TCN2: variants seen among roughly 807,000 people sequenced by gnomAD.
TCN2 encodes the protein transcobalamin 2.
In TCN2, 34 loss-of-function variants were observed where a neutral mutation model predicts 48.6. The observed-to-expected ratio is 0.70, with a 90% confidence interval of 0.53 to 0.93. TCN2 has a LOEUF of 0.93. Ranked by LOEUF, TCN2 falls within the 40% of genes least tolerant of loss-of-function variation. The pLI, the probability that TCN2 is intolerant of heterozygous loss-of-function variation, is 0.00. For synonymous variants in TCN2, 283 were observed against 212.5 expected, an observed-to-expected ratio of 1.33 and a Z score of -2.89; for missense variants, 652 against 526.1, an observed-to-expected ratio of 1.24 and a Z score of -2.34.
Position 30,617,483 on chromosome 22 carries a change from TAGG to T in TCN2, c.1099_1101del (p.Gly367del), listed in dbSNP as rs1300704163. The T allele has an allele frequency of 2.5e-6, 4 of 1,613,992 alleles. No individual in the cohort carries two copies. The highest frequency in any genetic ancestry group is 3.4e-6 in the Non-Finnish European group (4 of 1,179,980). On this transcript the variant is annotated inframe_deletion, in exon 7 of 9. Coordinates refer to ENST00000215838, the MANE Select transcript of TCN2 (RefSeq NM_000355.4). ...GATGTCCTGAAGAAGGCCCATGAGT[TAGG>T]AGGATTCACGTGAGACTCCCACCTC...
chr22:30,620,790 G>A (rs923240263), intron 7 of TCN2, among the ~76,000 whole-genome samples: 1 of 152,182 alleles, frequency 6.6e-6, no homozygotes, highest in Admixed American at 6.5e-5. Context: ...CCTCAACTGG[G>A]TTCAGGCATG....
intron 1 of TCN2, among the ~76,000 whole-genome samples, chr22:30,607,985 C>T (rs561266140): frequency 1.3e-5 from 2 of 152,296 alleles, no homozygotes; most frequent in African/African-American, 4.8e-5. Flanking sequence ...GTGGGGGACA[C>T]ACATTCTAGG....
At chr22:30,615,925 A>G (rs559190857) in intron 6 of TCN2, 138 bp downstream of exon 6, 7 of 987,716 alleles carry the variant, frequency 7.1e-6, no homozygotes, top group Admixed American at 1.9e-5. Flanking sequence ...ACAGCAGCCA[A>G]AATGTGGTCA....
intron 8 of TCN2, among the ~76,000 whole-genome samples, chr22:30,623,743 T>G (rs12160900): frequency 2.6e-5 from 1 of 38,774 alleles, no homozygotes; most frequent in Non-Finnish European, 4.5e-5. Context: ...TACATATATA[T>G]ACACACATAT....
At chr22:30,625,177 C>T (rs746262744) in intron 8 of TCN2, among the ~76,000 whole-genome samples, 1 of 152,158 alleles carries the variant, frequency 6.6e-6, no homozygotes, top group Non-Finnish European at 1.5e-5. Flanking sequence ...GAGATCACGC[C>T]ATTGCATTTC....
intron 1 of TCN2, among the ~76,000 whole-genome samples, chr22:30,609,655 A>G (rs1458617177): frequency 6.6e-6 from 1 of 152,146 alleles, no homozygotes; most frequent in African/African-American, 2.4e-5. Context: ...AGCCTCACAC[A>G]TTGAGTGACA....
At chr22:30,614,855 G>A (rs571742743) in intron 4 of TCN2, among the ~76,000 whole-genome samples, 39 of 152,346 alleles carry the variant, frequency 2.6e-4, no homozygotes, top group African/African-American at 8.2e-4. Flanking sequence ...GCTGCAGTGA[G>A]TGGAGATCGC....
In TCN2 at chr22:30,626,611, C is replaced by A; in HGVS notation, c.*90C>A. ...TCCCTGGAACAGGAACTCGCCTGACCCTGCTGCCACCTCCTGTGCACTTTG... is the reference window on the plus strand; with the variant it reads ...TCCCTGGAACAGGAACTCGCCTGACACTGCTGCCACCTCCTGTGCACTTTG... On this transcript the variant is annotated 3_prime_UTR_variant, in exon 9 of 9. Coordinates refer to ENST00000215838, the MANE Select transcript of TCN2 (RefSeq NM_000355.4). 1 of 1,392,830 alleles carries A rather than the reference C, an allele frequency of 7.2e-7. No homozygotes were observed. The highest frequency in any genetic ancestry group is 2.3e-5 in the East Asian group (1 of 43,362). The allele number at this position is 1,392,830 out of a possible 1,614,324, so 86.3% of individuals were successfully genotyped here. A position where few individuals can be genotyped will look rare whatever the true frequency, so the allele number is the denominator to read the frequency against.
chr22:30,615,858 G>A, intron 6 of TCN2, 71 bp downstream of exon 6: 2 of 1,591,488 alleles, frequency 1.3e-6, no homozygotes, highest in African/African-American at 1.3e-5. Context: ...CCAGTGAGGG[G>A]AGGTTGCTTC....
intron 1 of TCN2, among the ~76,000 whole-genome samples, chr22:30,607,864 A>C (rs1002160915): frequency 2.6e-5 from 4 of 152,136 alleles, no homozygotes; most frequent in African/African-American, 9.7e-5. Flanking sequence ...CCATCTCTAC[A>C]AAAAATAAAA....
chr22:30,608,051 G>A (rs1327334793), intron 1 of TCN2, among the ~76,000 whole-genome samples: 2 of 152,136 alleles, frequency 1.3e-5, no homozygotes, highest in Non-Finnish European at 2.9e-5. Context: ...GCCCCAAGGG[G>A]TCTCTTGGAG....
chr22:30,607,197 G>A lies in TCN2; in HGVS notation c.-135G>A. The A allele has an allele frequency of 1.0e-6, 1 of 975,246 alleles. No individual in the cohort carries two copies. Among genetic ancestry groups the A allele is most frequent in the Non-Finnish European group, 1.6e-6 (1 of 608,880 alleles). 60.4% of individuals were successfully genotyped at this position (975,246 alleles called of 1,614,324 possible). ...CTGCAGACTTAGCCGTGCATTGCAG[G>A]CATGGAGGATTAATCAGTGACAGGA... On this transcript the variant is annotated 5_prime_UTR_variant, in exon 1 of 9. Coordinates refer to ENST00000215838, the MANE Select transcript of TCN2 (RefSeq NM_000355.4).
At chr22:30,621,920 C>T (rs555700088) in intron 7 of TCN2, among the ~76,000 whole-genome samples, 2 of 152,230 alleles carry the variant, frequency 1.3e-5, no homozygotes, top group Non-Finnish European at 2.9e-5. Context: ...TGAAGCCCTT[C>T]TTCCAGGGGA....
In TCN2 at chr22:30,610,896, G is replaced by A. The variant is rs576996415; in HGVS notation, c.90G>A (p.Leu30=). ...AAATACCAGAGATGGACAGCCATCT[G>A]GTAGAGAAGTTGGGCCAGCACCTCT... ...MCEIPEMDSH[L]VEKLGQHLLP... is the part of the protein sequence containing the mutation. The change falls in exon 2 of 9, where the codon CTG becomes CTA. Residue 30 remains leucine, a synonymous_variant. Coordinates refer to ENST00000215838, the MANE Select transcript of TCN2 (RefSeq NM_000355.4). 2.6e-4 allele frequency: 423 copies of A among 1,614,194 alleles called. 2 individuals are homozygous for A. In the South Asian group the frequency reaches 4.5e-3, roughly 17 times the overall value.
chr22:30,624,064 A>ATG (rs1569047314), intron 8 of TCN2, among the ~76,000 whole-genome samples: 2 of 51,820 alleles, frequency 3.9e-5, no homozygotes, highest in Non-Finnish European at 7.7e-5. Flanking sequence ...ACACACACAT[A>ATG]TATATATATA....
chr22:30,623,905 T>C (rs1247062881), intron 8 of TCN2, among the ~76,000 whole-genome samples: 8 of 23,624 alleles, frequency 3.4e-4, no homozygotes, highest in South Asian at 6.2e-4. Flanking sequence ...TATGTATACA[T>C]ATATATACAC....
At chr22:30,608,220 C>G (rs917819775) in intron 1 of TCN2, among the ~76,000 whole-genome samples, 4 of 152,214 alleles carry the variant, frequency 2.6e-5, no homozygotes, top group African/African-American at 9.7e-5. Context: ...ACTTTCACCC[C>G]CATGGTCTCT....
intron 8 of TCN2, chr22:30,623,371 A>AT: frequency 3.0e-6 from 1 of 337,992 alleles, no homozygotes; most frequent in Non-Finnish European, 5.6e-6. Flanking sequence ...TTTTATTTTG[A>AT]GATGGAGTTT....
At chr22:30,614,586 C>G in intron 4 of TCN2, 85 bp downstream of exon 4, 2 of 1,571,520 alleles carry the variant, frequency 1.3e-6, no homozygotes, top group Non-Finnish European at 1.7e-6. Context: ...CCCTGGCCCC[C>G]ACACTCACCT....
Sources: gnomAD v4.1 joint callset for allele counts (sites outside exome capture counted in the v4.1 genomes callset) on GRCh38, gnomAD v4.1.1 for gene constraint, MANE v1.5 for transcripts, NCBI Gene and HGNC (gene_info 2026-07-23, HGNC 2026-07-21) for gene names.